OTOF: variants seen among roughly 807,000 people sequenced by gnomAD.
OTOF encodes fer-1-like family member 2.
A neutral mutation model predicts 236.8 loss-of-function variants in OTOF; 218 were observed. That is an observed-to-expected ratio of 0.92 (90% CI 0.82 to 1.03). The LOEUF is 1.03. Ranked by LOEUF, OTOF falls within the 50% of genes least tolerant of loss-of-function variation. The pLI is 0.00. For missense variants in OTOF, 2,590 were observed against 2,694.4 expected, an observed-to-expected ratio of 0.96 and a Z score of 0.86; for synonymous variants, 1,041 against 1,072.5, an observed-to-expected ratio of 0.97 and a Z score of 0.57.
In OTOF at chr2:26,457,780, G is replaced by T; in HGVS notation, c.*458C>A. ...AAGGGTGGCGCCTCAGCCAGGTGGGGCAAGAGAGACCCATTCCAGGTCCCC... is the reference window on the plus strand; with the variant it reads ...AAGGGTGGCGCCTCAGCCAGGTGGGTCAAGAGAGACCCATTCCAGGTCCCC... On this transcript the variant is annotated 3_prime_UTR_variant, in exon 47 of 47. Coordinates refer to ENST00000272371, the MANE Select transcript of OTOF (RefSeq NM_194248.3). The surrounding 1 kb of genome is among the most constrained non-coding windows in gnomAD (Gnocchi z 4.4). The T allele has an allele frequency of 2.0e-6, 1 of 502,072 alleles. No individual in the cohort carries two copies. The highest frequency in any genetic ancestry group is 3.6e-6 in the Non-Finnish European group (1 of 280,938). 31.1% of individuals were successfully genotyped at this position (502,072 alleles called of 1,614,324 possible). A position where few individuals can be genotyped will look rare whatever the true frequency, so the allele number is the denominator to read the frequency against.
chr2:26,547,933 C>T (rs1667373241), intron 1 of OTOF, among the ~76,000 whole-genome samples: 1 of 152,194 alleles, frequency 6.6e-6, no homozygotes, highest in African/African-American at 2.4e-5. Flanking sequence ...TTGTCATCAT[C>T]ATCATTGTTA....
intron 13 of OTOF, among the ~76,000 whole-genome samples, chr2:26,482,960 C>G (rs1036101662): frequency 1.2e-5 from 1 of 84,644 alleles, no homozygotes. Flanking sequence ...CATGTGTGCA[C>G]GTGTGAGTGG....
At chr2:26,545,976 C>G (rs1243174191) in intron 1 of OTOF, among the ~76,000 whole-genome samples, 2 of 152,138 alleles carry the variant, frequency 1.3e-5, no homozygotes, top group Non-Finnish European at 2.9e-5. Flanking sequence ...GTACCAGCCC[C>G]TCATATAGTT....
Position 26,460,033 on chromosome 2 carries a change from C to A in OTOF, c.5986G>T (p.Gly1996Trp). The A allele has an allele frequency of 1.9e-6, 3 of 1,568,616 alleles. No individual in the cohort carries two copies. Among genetic ancestry groups the A allele is most frequent in the South Asian group, 2.3e-5 (2 of 85,256 alleles). ...VPGYLVKKIL[G>W]A Reference sequence around the variant, plus strand: ...CCAGGAGGCCACTGGGCTCAGGCCCCGAGGATTTTCTTGACCAGGTAGCCA... The same window carrying A: ...CCAGGAGGCCACTGGGCTCAGGCCCAGAGGATTTTCTTGACCAGGTAGCCA... Residue 1996 changes from glycine to tryptophan, a missense_variant, in exon 46 of 47, where the codon GGG (glycine) becomes TGG (tryptophan). Coordinates refer to ENST00000272371, the MANE Select transcript of OTOF (RefSeq NM_194248.3). This position sits in a 1 kb window ranked among gnomAD's most constrained non-coding sequence, Gnocchi z 5.3.
At chr2:26,536,944 G>A (rs1270953577) in intron 2 of OTOF, among the ~76,000 whole-genome samples, 1 of 152,224 alleles carries the variant, frequency 6.6e-6, no homozygotes, top group East Asian at 1.9e-4. Flanking sequence ...GTGTGTGTGA[G>A]GATAGGGCTC....
intron 8 of OTOF, among the ~76,000 whole-genome samples, chr2:26,500,521 A>T (rs1363811494): frequency 6.6e-6 from 1 of 152,100 alleles, no homozygotes; most frequent in Non-Finnish European, 1.5e-5. Flanking sequence ...AAGTCTCAGG[A>T]CACTTTGTGT....
intron 5 of OTOF, 61 bp from the exon 6 acceptor site, chr2:26,503,906 A>C: frequency 6.9e-7 from 1 of 1,439,944 alleles, no homozygotes; most frequent in Non-Finnish European, 9.8e-7. Flanking sequence ...AAAACACACA[A>C]ACACAGAAGA....
intron 6 of OTOF, among the ~76,000 whole-genome samples, chr2:26,503,492 C>T (rs1159793648): frequency 5.3e-5 from 8 of 152,246 alleles, no homozygotes; most frequent in Non-Finnish European, 1.2e-4. Context: ...ATTCTCTGCT[C>T]TAATTAAAAC....
At chr2:26,471,763 T>C (rs575725743) in intron 30 of OTOF, among the ~76,000 whole-genome samples, 47 of 152,210 alleles carry the variant, frequency 3.1e-4, no homozygotes, top group Middle Eastern at 6.8e-3. Context: ...TATGCACGCA[T>C]GTGCACATAC....
chr2:26,466,141 C>G, intron 36 of OTOF, 65 bp from the exon 37 acceptor site: 1 of 1,605,094 alleles, frequency 6.2e-7, no homozygotes, highest in East Asian at 2.2e-5. Flanking sequence ...GTGCCCCTGC[C>G]AGGCTGCCTG....
chr2:26,550,471 G>A (rs1460828656), intron 1 of OTOF, among the ~76,000 whole-genome samples: 1 of 152,156 alleles, frequency 6.6e-6, no homozygotes, highest in Admixed American at 6.5e-5. Context: ...CTGCTGCTGG[G>A]AAAGCAGCCA....
Position 26,477,785 on chromosome 2 carries a change from G to GC in OTOF, c.2215-37dup. 6.2e-7 allele frequency: 1 copy of GC among 1,609,990 alleles called. No individual in the cohort carries two copies. On this transcript the variant is annotated intron_variant, in intron 18 of 46. Transcript: ENST00000272371. This position sits in a 1 kb window ranked among gnomAD's most constrained non-coding sequence, Gnocchi z 4.7. Reference sequence around the variant, plus strand: ...GGAGTGTGGGTGATGCTGGGCCACAGCCCCGCCTCCCCAGCCTCCCCAAAT... The same window carrying GC: ...GGAGTGTGGGTGATGCTGGGCCACAGCCCCCGCCTCCCCAGCCTCCCCAAAT...
rs1237088132 is a variant in OTOF at position 26,461,603 on chromosome 2, C to G, written c.5533+93G>C. 6.4e-7 allele frequency: 1 copy of G among 1,557,838 alleles called. No homozygotes were observed. The highest frequency in any genetic ancestry group is 2.3e-5 in the East Asian group (1 of 44,358). On this transcript the variant is annotated intron_variant, in intron 43 of 46. Coordinates refer to ENST00000272371, the MANE Select transcript of OTOF (RefSeq NM_194248.3). The surrounding 1 kb of genome is among the most constrained non-coding windows in gnomAD (Gnocchi z 6.2). Reference sequence around the variant, plus strand: ...GACTGGAAGCAATGACCCCTTGTCCCCCCAAGGCAGGGCTCTCCCTGTCCC... The same window carrying G: ...GACTGGAAGCAATGACCCCTTGTCCGCCCAAGGCAGGGCTCTCCCTGTCCC...
intron 15 of OTOF, among the ~76,000 whole-genome samples, chr2:26,480,557 G>A (rs1351926049): frequency 6.6e-6 from 1 of 152,234 alleles, no homozygotes; most frequent in Non-Finnish European, 1.5e-5. Flanking sequence ...GCACCATCGT[G>A]AGACCTGGCG....
At chr2:26,551,149 C>A (rs1486374203) in intron 1 of OTOF, among the ~76,000 whole-genome samples, 2 of 152,112 alleles carry the variant, frequency 1.3e-5, no homozygotes, top group Non-Finnish European at 2.9e-5. Flanking sequence ...ACCACCACGC[C>A]CGGCTAATTT....
chr2:26,527,881 C>A lies in OTOF; in HGVS notation c.178G>T (p.Glu60Ter). 6.2e-7 allele frequency: 1 copy of A among 1,614,136 alleles called. No individual in the cohort carries two copies. Among genetic ancestry groups the A allele is most frequent in the Non-Finnish European group, 8.5e-7 (1 of 1,179,982 alleles). The change falls in exon 3 of 47, where the codon GAG (glutamate) becomes TAG (stop). Residue 60 changes from glutamate (E) to a stop codon, truncating the protein, a stop_gained. Transcript: ENST00000272371. LOFTEE classifies it high-confidence loss of function. Reference sequence around the variant, plus strand: ...TTGAAAACCTGAATCTCCAGCATCTCATTTCTGTCGATGCTGCTGGCCACC... The same window carrying A: ...TTGAAAACCTGAATCTCCAGCATCTAATTTCTGTCGATGCTGCTGGCCACC... Reference protein sequence around the residue: ...WPVASSIDRNEMLEIQVFNYS... With the variant: ...WPVASSIDRN
At position 26,477,665 on chromosome 2, in the gene OTOF, G is replaced by C; in HGVS notation, c.2299C>G (p.Leu767Val). The change falls in exon 19 of 47, where the codon CTG (leucine) becomes GTG (valine). Residue 767 changes from leucine (L) to valine (V), a missense_variant. Around this residue, in one of 2 missense-constraint regions of OTOF, gnomAD observed 1,379 missense variants for 1,341.6 expected, o/e 1.03. Coordinates refer to ENST00000272371, the MANE Select transcript of OTOF (RefSeq NM_194248.3). This position sits in a 1 kb window ranked among gnomAD's most constrained non-coding sequence, Gnocchi z 4.7. Reference protein sequence around the residue: ...ERRLRGVLEELSCGCCRFLSL... With the variant: ...ERRLRGVLEEVSCGCCRFLSL... ...CCTTCTCACCAGCAGCCACAGCTCA[G>C]CTCCTCCAGGACGCCCCGCAGGCGA... 1 of 1,612,380 alleles carries C rather than the reference G, an allele frequency of 6.2e-7. No homozygotes were observed. The highest frequency in any genetic ancestry group is 8.5e-7 in the Non-Finnish European group (1 of 1,179,958).
intron 3 of OTOF, among the ~76,000 whole-genome samples, chr2:26,522,294 C>T (rs1443806316): frequency 6.6e-6 from 1 of 152,144 alleles, no homozygotes; most frequent in Non-Finnish European, 1.5e-5. Flanking sequence ...GTTTTATAAA[C>T]CTTGACTCTT....
Position 26,479,669 on chromosome 2 carries a change from C to G in OTOF, c.1913-16G>C, listed in dbSNP as rs1558488487. ...CCATAGTTGCCTGGAGCAGAATGGG[C>G]CCAGAAGGCCTAGAGTGCATTCCCC... On this transcript the variant is annotated splice_polypyrimidine_tract_variant and intron_variant, in intron 16 of 46. Coordinates refer to ENST00000272371, the MANE Select transcript of OTOF (RefSeq NM_194248.3). 1 of 1,611,526 alleles carries G rather than the reference C, an allele frequency of 6.2e-7. No homozygotes were observed. The highest frequency in any genetic ancestry group is 8.5e-7 in the Non-Finnish European group (1 of 1,178,982).
Sources: allele counts gnomAD v4.1 joint callset (sites outside exome capture counted in the v4.1 genomes callset), GRCh38; gene constraint gnomAD v4.1.1; regional missense constraint gnomAD v4.1.1; non-coding constraint Gnocchi (gnomAD v3.1); transcripts MANE v1.5; gene names NCBI Gene and HGNC (gene_info 2026-07-23, HGNC 2026-07-21).